Variants in RNF150 observed in about 807,000 individuals in gnomAD.
RNF150 encodes the protein ring finger protein 150.
In RNF150, 24 loss-of-function variants were observed where a neutral mutation model predicts 39.3. The ratio of observed to expected loss-of-function variants is 0.61; its 90% CI spans 0.44 to 0.86. The LOEUF (loss-of-function observed/expected upper bound fraction) is 0.86, where lower values mean the gene tolerates loss of function less well. Ranked by LOEUF, RNF150 falls within the 40% of genes least tolerant of loss-of-function variation. RNF150 has a pLI of 0.00. For synonymous variants in RNF150, 255 were observed against 227.3 expected, an observed-to-expected ratio of 1.12 and a Z score of -1.10; for missense variants, 502 against 587.8, an observed-to-expected ratio of 0.85 and a Z score of 1.51.
intron 1 of RNF150, among the ~76,000 whole-genome samples, chr4:140,981,238 A>G (rs1156641197): frequency 6.6e-6 from 1 of 152,154 alleles, no homozygotes; most frequent in Non-Finnish European, 1.5e-5. Context: ...GAAGTGTTTC[A>G]GATTTTGGAA....
chr4:141,038,487 C>T (rs545036854), intron 1 of RNF150, among the ~76,000 whole-genome samples: 60 of 152,086 alleles, frequency 3.9e-4, no homozygotes, highest in Non-Finnish European at 7.1e-4. Context: ...TCTAAGAGAT[C>T]GAGATCAGCC....
chr4:140,912,326 G>A (rs1183046330), intron 5 of RNF150, among the ~76,000 whole-genome samples: 1 of 152,178 alleles, frequency 6.6e-6, no homozygotes, highest in South Asian at 2.1e-4. Context: ...TGGTGGTGGA[G>A]GAATATTGTC....
chr4:141,014,050 C>T (rs1008256643), intron 1 of RNF150, among the ~76,000 whole-genome samples: 1 of 151,996 alleles, frequency 6.6e-6, no homozygotes, highest in African/African-American at 2.4e-5. Flanking sequence ...ATGAGTTCAA[C>T]TTTATTAGAT....
At chr4:140,976,954 A>C (rs1284411723) in intron 1 of RNF150, among the ~76,000 whole-genome samples, 1 of 152,008 alleles carries the variant, frequency 6.6e-6, no homozygotes, top group Non-Finnish European at 1.5e-5. Flanking sequence ...CCTTTGTCCA[A>C]ATGATGACCT....
intron 1 of RNF150, among the ~76,000 whole-genome samples, chr4:141,156,187 A>G (rs995425463): frequency 3.9e-5 from 6 of 152,194 alleles, no homozygotes; most frequent in Non-Finnish European, 8.8e-5. Flanking sequence ...CTTGGCCAAG[A>G]GAGTGTCCAT....
At chr4:140,895,002 C>T (rs751406933) in intron 6 of RNF150, among the ~76,000 whole-genome samples, 3 of 152,070 alleles carry the variant, frequency 2.0e-5, no homozygotes, top group Non-Finnish European at 4.4e-5. Context: ...TCTTTCTTGC[C>T]CCAGGAATCT....
chr4:140,961,055 T>C (rs1339961352), intron 2 of RNF150, among the ~76,000 whole-genome samples: 1 of 152,062 alleles, frequency 6.6e-6, no homozygotes, highest in African/African-American at 2.4e-5. Context: ...TCGAGACCCA[T>C]CTGACTCCAA....
chr4:141,103,718 A>T (rs1300414861), intron 1 of RNF150, among the ~76,000 whole-genome samples: 1 of 151,954 alleles, frequency 6.6e-6, no homozygotes, highest in East Asian at 1.9e-4. Flanking sequence ...AACCCTCTGA[A>T]TTTTTTTTGA....
chr4:140,880,027 A>G (rs1729314152), intron 6 of RNF150, among the ~76,000 whole-genome samples: 1 of 151,966 alleles, frequency 6.6e-6, no homozygotes, highest in Non-Finnish European at 1.5e-5. Context: ...TAGGACTTCC[A>G]GTACTGTGTT....
chr4:141,041,682 G>A (rs1736379656), intron 1 of RNF150, among the ~76,000 whole-genome samples: 4 of 152,002 alleles, frequency 2.6e-5, no homozygotes, highest in South Asian at 4.1e-4. Flanking sequence ...ATAATTAATA[G>A]TATATTGCTA....
At chr4:140,875,303 G>C (rs1286700417) in intron 6 of RNF150, among the ~76,000 whole-genome samples, 1 of 151,804 alleles carries the variant, frequency 6.6e-6, no homozygotes, top group African/African-American at 2.4e-5. Flanking sequence ...TAAGTAGCTG[G>C]GGCTACCTAT....
chr4:141,114,016 G>A (rs145813995), intron 1 of RNF150, among the ~76,000 whole-genome samples: 1,954 of 152,256 alleles, frequency 0.013, 21 homozygotes, highest in Non-Finnish European at 0.02. Context: ...GCCATGTTTT[G>A]AGGGAAAATT....
At chr4:141,133,557 A>C (rs1726967326), upstream of RNF150, 2 of 152,308 alleles carry the variant, frequency 1.3e-5, no homozygotes, top group African/African-American at 4.8e-5. Flanking sequence ...TTCTCTTGCC[A>C]TGTTCCCTTG....
chr4:140,924,704 G>A (rs1731319324), intron 5 of RNF150, among the ~76,000 whole-genome samples: 1 of 152,180 alleles, frequency 6.6e-6, no homozygotes, highest in Non-Finnish European at 1.5e-5. Flanking sequence ...TTTTACTGAT[G>A]TTTCATGTTC....
Position 140,947,642 on chromosome 4 carries a change from C to G in RNF150, c.890+12G>C. The G allele has an allele frequency of 1.2e-6, 2 of 1,605,922 alleles. No homozygotes were observed. The highest frequency in any genetic ancestry group is 1.1e-5 in the South Asian group (1 of 89,900). ...CACAACCCAATCAAAAGCAGGCAGC[C>G]TAGTGACTCACCGGCAGGGCAGGAT... is the stretch of plus-strand genomic sequence containing the variant. On this transcript the variant is annotated intron_variant, in intron 4 of 6. Coordinates refer to ENST00000515673, the MANE Select transcript of RNF150 (RefSeq NM_020724.2).
rs577108412 is a variant in RNF150, at chr4:140,865,920, C to G, written c.*2341G>C. The G allele has an allele frequency of 6.6e-6, 1 of 152,260 alleles. No homozygotes were observed. Among genetic ancestry groups the G allele is most frequent in the South Asian group, 2.1e-4 (1 of 4,818 alleles). 9.4% of individuals were successfully genotyped at this position (152,260 alleles called of 1,614,324 possible). On this transcript the variant is annotated 3_prime_UTR_variant, in exon 7 of 7. Transcript: ENST00000515673. ...AATTCCACTGGACTAAACTTAATAC[C>G]AGTAATACTAAAATTTGTTTTGGGC... is the stretch of plus-strand genomic sequence containing the variant.
chr4:141,173,899 G>A (rs1422667295), intron 1 of RNF150, among the ~76,000 whole-genome samples: 1 of 152,142 alleles, frequency 6.6e-6, no homozygotes, highest in East Asian at 1.9e-4. Context: ...CTTCTCAGAA[G>A]CAACTGTTGT....
chr4:141,079,190 T>C (rs908395491), intron 1 of RNF150, among the ~76,000 whole-genome samples: 2 of 152,156 alleles, frequency 1.3e-5, no homozygotes, highest in Non-Finnish European at 2.9e-5. Flanking sequence ...GTGTGAGGAC[T>C]GCTTGAAGAG....
At chr4:141,141,642 A>C (rs1260259546) in intron 1 of RNF150, among the ~76,000 whole-genome samples, 1 of 152,160 alleles carries the variant, frequency 6.6e-6, no homozygotes, top group Non-Finnish European at 1.5e-5. Flanking sequence ...CTCTACTAAA[A>C]AATACAAAAA....
Sources: allele counts gnomAD v4.1 joint callset (sites outside exome capture counted in the v4.1 genomes callset), GRCh38; gene constraint gnomAD v4.1.1; transcripts MANE v1.5; gene names NCBI Gene and HGNC (gene_info 2026-07-23, HGNC 2026-07-21).